CACNA1D: variants seen among roughly 807,000 people sequenced by gnomAD.
CACNA1D encodes calcium voltage-gated channel subunit alpha1 D.
A neutral mutation model predicts 257.1 loss-of-function variants in CACNA1D; 55 were observed. That is an observed-to-expected ratio of 0.21 (90% CI 0.17 to 0.27). The LOEUF (loss-of-function observed/expected upper bound fraction) is 0.27. Among genes scored for constraint, CACNA1D ranks in the 10% least tolerant of loss-of-function variants. CACNA1D has a pLI of 1.00. For synonymous variants in CACNA1D, 980 were observed against 1,014.9 expected (o/e 0.97, Z 0.65); for missense variants, 1,876 against 2,784.0 (o/e 0.67, Z 7.34).
chr3:53,663,479 T>G (rs750511156), intron 5 of CACNA1D, among the ~76,000 whole-genome samples: 22 of 152,118 alleles, frequency 1.4e-4, no homozygotes, highest in Non-Finnish European at 2.2e-4. Context: ...CCAGGGCAGG[T>G]TCTGGATTCC....
intron 3 of CACNA1D, among the ~76,000 whole-genome samples, chr3:53,640,893 A>G (rs114691725): frequency 0.024 from 3,588 of 152,274 alleles, 146 homozygotes; most frequent in African/African-American, 0.082. Context: ...TAGAAGCAGC[A>G]GGCATGTGGT....
chr3:53,525,899 C>T (rs1413434771), intron 3 of CACNA1D, among the ~76,000 whole-genome samples: 1 of 152,190 alleles, frequency 6.6e-6, no homozygotes, highest in Admixed American at 6.5e-5. Flanking sequence ...CTGGAGTCAG[C>T]TCAGGCGCTC....
intron 3 of CACNA1D, among the ~76,000 whole-genome samples, chr3:53,562,660 C>CG (rs1559845284): frequency 6.6e-6 from 1 of 152,074 alleles, no homozygotes; most frequent in Admixed American, 6.5e-5. Context: ...TGCCTCCCCC[C>CG]CCAAATTCTC....
At chr3:53,703,285 A>C (rs928298479) in intron 9 of CACNA1D, among the ~76,000 whole-genome samples, 6 of 152,212 alleles carry the variant, frequency 3.9e-5, no homozygotes, top group Admixed American at 2.0e-4. Flanking sequence ...CCATATGCTT[A>C]GCCCATCAGG....
chr3:53,801,534 G>T, intron 42 of CACNA1D, 109 bp downstream of exon 42: 1 of 1,394,582 alleles, frequency 7.2e-7, no homozygotes, highest in Non-Finnish European at 1.0e-6. Context: ...CATGGAGGAG[G>T]TTCCCCGTAG....
At chr3:53,742,954 A>G in intron 21 of CACNA1D, 57 bp from the exon 22 acceptor site, 3 of 1,089,934 alleles carry the variant, frequency 2.8e-6, no homozygotes, top group Non-Finnish European at 4.3e-6. Context: ...CAAAGAGCCC[A>G]GGTTTCTTTT....
At chr3:53,788,386 C>T (rs1168824511) in intron 40 of CACNA1D, among the ~76,000 whole-genome samples, 1 of 152,188 alleles carries the variant, frequency 6.6e-6, no homozygotes, top group African/African-American at 2.4e-5. Context: ...AGTCACACAG[C>T]CCATTGGCAT....
At chr3:53,553,204 A>G (rs1203215928) in intron 3 of CACNA1D, among the ~76,000 whole-genome samples, 1 of 152,252 alleles carries the variant, frequency 6.6e-6, no homozygotes, top group African/African-American at 2.4e-5. Context: ...CTTACTGCCA[A>G]TTAGTGGAGC....
At position 53,812,452 on chromosome 3, in the gene CACNA1D, CT is replaced by C. The variant is rs1222297590; in HGVS notation, c.*1049del. On this transcript the variant is annotated 3_prime_UTR_variant, in exon 48 of 48. Coordinates refer to ENST00000350061, the MANE Select transcript of CACNA1D (RefSeq NM_001128840.3). ...TTTTGAGTCACTATAAACCTATCAT[CT>C]TTCCACAAGATATACCAGATGACTA... 1 of 152,208 alleles carries C rather than the reference CT, an allele frequency of 6.6e-6. No individual in the cohort carries two copies. Among genetic ancestry groups the C allele is most frequent in the Non-Finnish European group, 1.5e-5 (1 of 68,036 alleles). The allele number at this position is 152,208 out of a possible 1,614,324, so 9.4% of individuals were successfully genotyped here.
At position 53,722,376 on chromosome 3, in the gene CACNA1D, T is replaced by C; in HGVS notation, c.1568T>C (p.Val523Ala). Residue 523 changes from valine to alanine, a missense_variant, in exon 12 of 48, where the codon GTC becomes GCC. Val to Ala is a moderately conservative substitution (Grantham distance 64). This residue lies in a region of CACNA1D where 257 missense variants were observed against 399.7 expected (regional missense o/e 0.64). Transcript: ENST00000350061. ...AGATGTAGGGCCGCCGTGAAGTCTG[T>C]CACGTTTTACTGGCTGGTTATCGTC... Reference protein sequence around the residue: ...RRRCRAAVKSVTFYWLVIVLV... With the variant: ...RRRCRAAVKSATFYWLVIVLV... 1 of 1,614,202 alleles carries C rather than the reference T, an allele frequency of 6.2e-7. No homozygotes were observed.
chr3:53,667,820 AGTGT>A (rs143864310), intron 7 of CACNA1D, among the ~76,000 whole-genome samples: 3 of 147,254 alleles, frequency 2.0e-5, no homozygotes, highest in Non-Finnish European at 4.5e-5. Flanking sequence ...TAGGAGTGTG[AGTGT>A]GTGTGTGTGT....
intron 45 of CACNA1D, among the ~76,000 whole-genome samples, chr3:53,807,234 C>T (rs147464951): frequency 1.3e-5 from 2 of 152,346 alleles, no homozygotes; most frequent in East Asian, 1.9e-4. Flanking sequence ...GCCCCCAGCC[C>T]GGCCATTCGA....
At chr3:53,798,552 A>C (rs2095519813) in intron 40 of CACNA1D, among the ~76,000 whole-genome samples, 1 of 152,192 alleles carries the variant, frequency 6.6e-6, no homozygotes, top group Admixed American at 6.5e-5. Context: ...TAAAGCTTTC[A>C]TTCCCAGCTC....
At chr3:53,798,388 T>A (rs1247242326) in intron 40 of CACNA1D, among the ~76,000 whole-genome samples, 2 of 152,160 alleles carry the variant, frequency 1.3e-5, no homozygotes, top group Admixed American at 1.3e-4. Flanking sequence ...TACCCACATG[T>A]GCATATGTGT....
intron 3 of CACNA1D, among the ~76,000 whole-genome samples, chr3:53,592,502 C>G (rs371624383): frequency 5.7e-4 from 87 of 152,258 alleles, no homozygotes; most frequent in African/African-American, 1.9e-3. Flanking sequence ...TTTTTGGGAG[C>G]AGGGGACATT....
chr3:53,753,198 A>G (rs2095240509), intron 28 of CACNA1D, among the ~76,000 whole-genome samples: 1 of 152,266 alleles, frequency 6.6e-6, no homozygotes, highest in Non-Finnish European at 1.5e-5. Context: ...ACATAAACTT[A>G]CATGGCATAA....
At position 53,810,248 on chromosome 3, in the gene CACNA1D, C is replaced by T. The variant is rs552738200; in HGVS notation, c.6142C>T (p.Arg2048Trp). 79 of 1,613,864 alleles carry T rather than the reference C, an allele frequency of 4.9e-5. 1 individual carries two copies. The Middle Eastern group carries it at 1.3e-3, about 27-fold the overall frequency. ...CAGCCTGACTGTCCCCAGCAGCTTCCGGAACAAAAACAGCGACAAGCAGAG... is the reference window on the plus strand; with the variant it reads ...CAGCCTGACTGTCCCCAGCAGCTTCTGGAACAAAAACAGCGACAAGCAGAG... ...PASLTVPSSF[R>W]NKNSDKQRSA... The change falls in exon 47 of 48, where the codon CGG becomes TGG. Residue 2048 changes from arginine to tryptophan, a missense_variant. Coordinates refer to ENST00000350061, the MANE Select transcript of CACNA1D (RefSeq NM_001128840.3).
intron 3 of CACNA1D, among the ~76,000 whole-genome samples, chr3:53,611,006 G>A (rs2093576378): frequency 3.3e-5 from 5 of 152,158 alleles, no homozygotes; most frequent in Admixed American, 3.3e-4. Flanking sequence ...ATTTTCACTG[G>A]ATATAGAATT....
chr3:53,602,147 T>C (rs1337399250), intron 3 of CACNA1D, among the ~76,000 whole-genome samples: 1 of 152,234 alleles, frequency 6.6e-6, no homozygotes, highest in Non-Finnish European at 1.5e-5. Context: ...ATAACTACCA[T>C]TCTACTCTCT....
Sources: gnomAD v4.1 joint callset for allele counts (sites outside exome capture counted in the v4.1 genomes callset) on GRCh38, gnomAD v4.1.1 for gene constraint, gnomAD v4.1.1 regional missense constraint, MANE v1.5 for transcripts, NCBI Gene and HGNC (gene_info 2026-07-23, HGNC 2026-07-21) for gene names.